Variants in CHST8 observed in about 807,000 individuals in gnomAD.
The protein encoded by CHST8 is GALNAC-4-ST1.
Under a neutral mutation model 15.0 loss-of-function variants are expected in CHST8, and 10 were observed. That is an observed-to-expected ratio of 0.67 (90% CI 0.41 to 1.13). The LOEUF is 1.13. CHST8 is among the 50% of genes most tolerant of loss of function. CHST8 has a pLI of 0.00. For synonymous variants in CHST8, 259 were observed against 256.6 expected (o/e 1.01, Z -0.09); for missense variants, 634 against 608.2 (o/e 1.04, Z -0.45).
At chr19:33,659,229 C>G (rs1972553617) in intron 1 of CHST8, among the ~76,000 whole-genome samples, 1 of 151,986 alleles carries the variant, frequency 6.6e-6, no homozygotes, top group Admixed American at 6.6e-5. Context: ...CCACACCCGG[C>G]TAATTTTGTA....
intron 2 of CHST8, among the ~76,000 whole-genome samples, chr19:33,687,327 G>A (rs918829039): frequency 3.3e-5 from 5 of 152,236 alleles, no homozygotes; most frequent in Non-Finnish European, 5.9e-5. Context: ...CCCCAGCCCC[G>A]CACAAGGGGC....
rs10427014 is a variant in CHST8 at position 33,739,249 on chromosome 19, C to T, written c.131-32164C>T. Among the ~76,000 whole-genome samples the T allele has an allele frequency of 3.4e-3, 510 of 152,212 alleles. 5 individuals are homozygous for T. Among genetic ancestry groups the T allele is most frequent in the African/African-American group, 0.012 (484 of 41,524 alleles). The stretch of plus-strand genomic sequence containing the variant: ...CCCAGCCATGACTATTATCATCCTC[C>T]GTTGACCTCTCTCCCCCCTCCTCCA... On this transcript the variant is annotated intron_variant, in intron 3 of 4. Coordinates refer to ENST00000650847, the MANE Select transcript of CHST8 (RefSeq NM_001127895.2).
intron 1 of CHST8, among the ~76,000 whole-genome samples, chr19:33,666,289 A>G (rs948786963): frequency 4.0e-5 from 6 of 151,312 alleles, no homozygotes; most frequent in Non-Finnish European, 5.9e-5. Context: ...GAGTGTGAGC[A>G]TGTGTGTGTG....
intron 1 of CHST8, among the ~76,000 whole-genome samples, chr19:33,637,859 GAAAAAAA>G (rs566331956): frequency 2.7e-5 from 2 of 75,332 alleles, no homozygotes; most frequent in African/African-American, 1.0e-4. Context: ...TATCTCTTAA[GAAAAAAA>G]AAAAAAAAAA....
intron 3 of CHST8, among the ~76,000 whole-genome samples, chr19:33,703,998 G>T (rs1030938536): frequency 1.3e-5 from 2 of 152,216 alleles, no homozygotes; most frequent in Non-Finnish European, 2.9e-5. Context: ...TCATGTTCGC[G>T]TCTGGGGTCC....
chr19:33,759,796 C>T (rs1243876256), intron 3 of CHST8, among the ~76,000 whole-genome samples: 1 of 152,222 alleles, frequency 6.6e-6, no homozygotes, highest in African/African-American at 2.4e-5. Context: ...TCAGCCAGTC[C>T]CAGGTCCTGC....
rs1491183273 is a variant in CHST8, at chr19:33,765,512, T to TG, written c.131-5901_131-5900insG. On this transcript the variant is annotated intron_variant, in intron 3 of 4. Coordinates refer to ENST00000650847, the MANE Select transcript of CHST8 (RefSeq NM_001127895.2). ...CACAGGGTTTAGACAAATGCCAGTC[T>TG]TTGTGTGTGTGTGTGTGTGTGTGTG... is the stretch of plus-strand genomic sequence containing the variant. Among the ~76,000 whole-genome samples, 445 of 106,596 alleles carry TG rather than the reference T, an allele frequency of 4.2e-3. 2 individuals are homozygous for TG. Among genetic ancestry groups the TG allele is most frequent in the African/African-American group, 0.016 (380 of 24,428 alleles). The allele number at this position is 106,596 out of a possible 152,430, so 69.9% of individuals were successfully genotyped here.
At chr19:33,623,496 G>A (rs1050248127) in intron 1 of CHST8, among the ~76,000 whole-genome samples, 3 of 152,218 alleles carry the variant, frequency 2.0e-5, no homozygotes, top group Non-Finnish European at 2.9e-5. Context: ...GTGGAGAGGG[G>A]CGGGGGACAG....
At chr19:33,623,847 C>T (rs1396995307) in intron 1 of CHST8, among the ~76,000 whole-genome samples, 1 of 152,138 alleles carries the variant, frequency 6.6e-6, no homozygotes, top group Non-Finnish European at 1.5e-5. Flanking sequence ...CAGAAGGCGG[C>T]GTGGGAGTTC....
intron 1 of CHST8, among the ~76,000 whole-genome samples, chr19:33,650,451 A>AT (rs907736421): frequency 5.5e-4 from 67 of 122,754 alleles, no homozygotes; most frequent in Non-Finnish European, 8.3e-4. Flanking sequence ...AGTTGGAAGG[A>AT]TTTTTTTAAT....
At chr19:33,667,302 C>T (rs1972676477) in intron 1 of CHST8, among the ~76,000 whole-genome samples, 1 of 152,232 alleles carries the variant, frequency 6.6e-6, no homozygotes, top group Admixed American at 6.5e-5. Context: ...AGAAAGCCTT[C>T]CTGCAGCCCC....
At chr19:33,736,212 C>T (rs565058920) in intron 3 of CHST8, among the ~76,000 whole-genome samples, 3 of 152,152 alleles carry the variant, frequency 2.0e-5, no homozygotes, top group South Asian at 2.1e-4. Context: ...AGGGTGCTTC[C>T]GAGTTGAGGT....
At chr19:33,666,215 G>A (rs528184108) in intron 1 of CHST8, among the ~76,000 whole-genome samples, 3 of 152,240 alleles carry the variant, frequency 2.0e-5, no homozygotes, top group Non-Finnish European at 4.4e-5. Flanking sequence ...GTGAAAGTCA[G>A]GGGGTACACA....
intron 1 of CHST8, among the ~76,000 whole-genome samples, chr19:33,627,108 G>GC (rs1972065118): frequency 9.2e-6 from 1 of 109,020 alleles, no homozygotes; most frequent in Non-Finnish European, 1.9e-5. Context: ...TGGGGGGGGG[G>GC]CGGGTGGGGT....
At chr19:33,659,913 G>A (rs551605380) in intron 1 of CHST8, among the ~76,000 whole-genome samples, 21 of 152,358 alleles carry the variant, frequency 1.4e-4, no homozygotes, top group African/African-American at 4.8e-4. Flanking sequence ...TGGAAGCTAT[G>A]TTGTGAGACG....
intron 3 of CHST8, among the ~76,000 whole-genome samples, chr19:33,749,943 G>C (rs1224306667): frequency 6.6e-6 from 1 of 152,162 alleles, no homozygotes; most frequent in African/African-American, 2.4e-5. Flanking sequence ...CTTGCTTCCT[G>C]CCTTTCTCCT....
intron 3 of CHST8, among the ~76,000 whole-genome samples, chr19:33,766,038 G>A (rs1279197013): frequency 1.3e-5 from 2 of 152,042 alleles, no homozygotes; most frequent in Non-Finnish European, 2.9e-5. Context: ...TGCGGCACCA[G>A]GTCTTCCCTG....
At chr19:33,720,795 C>T (rs879889933) in intron 3 of CHST8, among the ~76,000 whole-genome samples, 3 of 152,276 alleles carry the variant, frequency 2.0e-5, no homozygotes, top group Non-Finnish European at 4.4e-5. Context: ...TTCCACTATG[C>T]AGTTCCTTCC....
chr19:33,755,552 A>T (rs1974529211), intron 3 of CHST8, among the ~76,000 whole-genome samples: 1 of 152,204 alleles, frequency 6.6e-6, no homozygotes, highest in Non-Finnish European at 1.5e-5. Context: ...CCCGCTCCTC[A>T]TCCCTGCCAC....
Sources: gnomAD v4.1 joint callset for allele counts (sites outside exome capture counted in the v4.1 genomes callset) on GRCh38, gnomAD v4.1.1 for gene constraint, MANE v1.5 for transcripts, NCBI Gene and HGNC (gene_info 2026-07-23, HGNC 2026-07-21) for gene names.